Variants in CMSS1 observed in about 807,000 individuals in gnomAD.
CMSS1 encodes the protein protein CMSS1.
In CMSS1, 33 loss-of-function variants were observed where a neutral mutation model predicts 43.5. That is an observed-to-expected ratio of 0.76 (90% confidence interval 0.57 to 1.01). The LOEUF is 1.01. CMSS1 is among the 50% of genes least tolerant of loss of function. The pLI is 0.00. For missense variants in CMSS1, 313 were observed against 326.4 expected (o/e 0.96, Z 0.32); for synonymous variants, 115 against 117.2 (o/e 0.98, Z 0.12).
chr3:99,931,094 T>C, intron 1 of CMSS1: 1 of 1,349,332 alleles, frequency 7.4e-7, no homozygotes, highest in East Asian at 2.3e-5. Flanking sequence ...GAGTACCTAT[T>C]ACTGCTTTAA....
chr3:99,996,102 A>G (rs1287471425), intron 1 of CMSS1, among the ~76,000 whole-genome samples: 1 of 152,168 alleles, frequency 6.6e-6, no homozygotes, highest in Non-Finnish European at 1.5e-5. Context: ...CCAAAATTTT[A>G]TGCTCTGCTT....
At chr3:100,039,992 A>G in intron 1 of CMSS1, 1 of 152,320 alleles carries the variant, frequency 6.6e-6, no homozygotes, top group Middle Eastern at 3.4e-3. Context: ...TGACCTCATC[A>G]TCCGCCCACC....
chr3:100,161,932 C>T (rs891284970), intron 3 of CMSS1, among the ~76,000 whole-genome samples: 1 of 152,102 alleles, frequency 6.6e-6, no homozygotes, highest in African/African-American at 2.4e-5. Flanking sequence ...AAGAAATTCT[C>T]AAAATTCTAA....
intron 1 of CMSS1, among the ~76,000 whole-genome samples, chr3:100,134,859 A>C (rs2066737866): frequency 6.6e-6 from 1 of 152,234 alleles, no homozygotes. Context: ...TGCCACCAGC[A>C]AGCTGCTTGT....
intron 1 of CMSS1, among the ~76,000 whole-genome samples, chr3:99,984,107 G>T (rs184568266): frequency 3.1e-3 from 370 of 120,052 alleles, no homozygotes; most frequent in Non-Finnish European, 4.0e-3. Flanking sequence ...AATATCAGGT[G>T]CTCAGGTATG....
intron 1 of CMSS1, among the ~76,000 whole-genome samples, chr3:99,983,389 A>AATAAATAAATAAATAT (rs1302972402): frequency 4.9e-5 from 2 of 40,788 alleles, no homozygotes; most frequent in African/African-American, 1.0e-4. Context: ...TAAATAAATA[A>AATAAATAAATAAATAT]ATATATATAT....
intron 1 of CMSS1, among the ~76,000 whole-genome samples, chr3:99,889,973 C>A (rs1482613869): frequency 6.6e-6 from 1 of 152,032 alleles, no homozygotes; most frequent in African/African-American, 2.4e-5. Flanking sequence ...ATATTTAACA[C>A]TTTCTTCGCC....
At chr3:100,007,693 G>C (rs1000153764) in intron 1 of CMSS1, among the ~76,000 whole-genome samples, 1 of 152,218 alleles carries the variant, frequency 6.6e-6, no homozygotes, top group Non-Finnish European at 1.5e-5. Context: ...GTGTGTCACT[G>C]ATGGAAGCTA....
intron 1 of CMSS1, among the ~76,000 whole-genome samples, chr3:99,903,842 C>T (rs1706523531): frequency 6.6e-6 from 1 of 151,960 alleles, no homozygotes; most frequent in Non-Finnish European, 1.5e-5. Context: ...ATTTCTGAGG[C>T]AGAAATAAGA....
At chr3:99,981,628 A>G (rs376846659) in intron 1 of CMSS1, among the ~76,000 whole-genome samples, 12 of 152,208 alleles carry the variant, frequency 7.9e-5, no homozygotes, top group African/African-American at 2.9e-4. Flanking sequence ...CCGTTTTGCA[A>G]GTGGAAAATT....
chr3:100,023,693 C>A (rs543920686), intron 1 of CMSS1, among the ~76,000 whole-genome samples: 1 of 152,128 alleles, frequency 6.6e-6, no homozygotes, highest in African/African-American at 2.4e-5. Context: ...CTCATATAAA[C>A]CATGATGTAT....
chr3:99,942,661 G>A (rs1467692081), intron 1 of CMSS1, among the ~76,000 whole-genome samples: 8 of 151,892 alleles, frequency 5.3e-5, no homozygotes, highest in African/African-American at 9.7e-5. Context: ...GTGAAACCCC[G>A]TCTCTACTAA....
chr3:99,850,691 C>T (rs371794170), intron 1 of CMSS1: 5 of 1,614,152 alleles, frequency 3.1e-6, no homozygotes, highest in South Asian at 2.2e-5. Context: ...CGGCTGAGTG[C>T]TGCCAGCTTT....
intron 1 of CMSS1, among the ~76,000 whole-genome samples, chr3:100,135,449 T>TGC (rs1559767968): frequency 4.8e-5 from 6 of 125,324 alleles, no homozygotes; most frequent in African/African-American, 1.8e-4. Context: ...TGTGTGTGTG[T>TGC]GTGTGTGTGT....
intron 1 of CMSS1, among the ~76,000 whole-genome samples, chr3:99,886,531 G>T (rs1262484205): frequency 6.6e-6 from 1 of 152,170 alleles, no homozygotes; most frequent in Non-Finnish European, 1.5e-5. Context: ...GCTTGGACAA[G>T]TTTGGTGTAC....
chr3:100,083,492 C>G (rs150645813), intron 1 of CMSS1, among the ~76,000 whole-genome samples: 5 of 152,162 alleles, frequency 3.3e-5, no homozygotes, highest in African/African-American at 1.2e-4. Flanking sequence ...TAATGCACAG[C>G]GAGATTTCAG....
At chr3:99,895,394 T>A (rs1398554667) in intron 1 of CMSS1, among the ~76,000 whole-genome samples, 1 of 151,866 alleles carries the variant, frequency 6.6e-6, no homozygotes, top group Non-Finnish European at 1.5e-5. Flanking sequence ...TTTTTTTTTT[T>A]TACTATGTAT....
chr3:100,060,355 C>A (rs1288375952), intron 1 of CMSS1, among the ~76,000 whole-genome samples: 1 of 152,126 alleles, frequency 6.6e-6, no homozygotes, highest in Admixed American at 6.5e-5. Context: ...TCCCTTTATA[C>A]CACATCCAAA....
intron 1 of CMSS1, chr3:99,931,033 G>A (rs1201923867): frequency 6.2e-7 from 1 of 1,607,910 alleles, no homozygotes; most frequent in Non-Finnish European, 8.5e-7. Flanking sequence ...TTTAAAGCCT[G>A]GAAGGAGGGA....
Sources: gnomAD v4.1 joint callset for allele counts (sites outside exome capture counted in the v4.1 genomes callset) on GRCh38, gnomAD v4.1.1 for gene constraint, MANE v1.5 for transcripts, NCBI Gene and HGNC (gene_info 2026-07-23, HGNC 2026-07-21) for gene names.